The following TDP1 variants were observed in gnomAD, a reference collection of about 807,000 sequenced individuals.
TDP1 encodes the protein tyr-DNA phosphodiesterase 1.
Under a neutral mutation model 81.5 loss-of-function variants are expected in TDP1, and 64 were observed. That is an observed-to-expected ratio of 0.79 (90% CI 0.64 to 0.97). The LOEUF (loss-of-function observed/expected upper bound fraction) is 0.97. TDP1 is among the 50% of genes least tolerant of loss of function. The probability of loss-of-function intolerance (pLI) is 0.00; values close to 1 mark genes in which losing one functional copy is unlikely to be tolerated. For synonymous variants in TDP1, 256 were observed against 264.3 expected, an observed-to-expected ratio of 0.97 and a Z score of 0.30; for missense variants, 723 against 743.8, an observed-to-expected ratio of 0.97 and a Z score of 0.33.
At position 90,043,073 on chromosome 14, in the gene TDP1, G is replaced by A. The variant is rs757367768; in HGVS notation, c.1757G>A (p.Arg586Gln). 1.2e-5 allele frequency: 19 copies of A among 1,613,900 alleles called. No individual in the cohort carries two copies. Among genetic ancestry groups the A allele is most frequent in the African/African-American group, 2.7e-5 (2 of 74,876 alleles). ...LPPELYGSKDRPWIWNIPYVK... is the reference protein window; with the variant it reads ...LPPELYGSKDQPWIWNIPYVK... The stretch of plus-strand genomic sequence containing the variant: ...ACGTAATGTGTTTTTCCCCCAGATC[G>A]GCCATGGATATGGAACATTCCTTAT... The change falls in exon 17 of 17, where the codon CGG (arginine) becomes CAG (glutamine). Residue 586 changes from arginine (R) to glutamine (Q), a missense_variant. By Grantham distance (43) the Arg-to-Gln change is conservative. Transcript: ENST00000335725.
chr14:90,020,691 C>T (rs1353482038), intron 15 of TDP1, among the ~76,000 whole-genome samples: 6 of 135,282 alleles, frequency 4.4e-5, no homozygotes, highest in Non-Finnish European at 7.7e-5. Context: ...GAATTTATGA[C>T]AAACACACAT....
In TDP1 at chr14:89,984,652, G is replaced by C. The variant is rs747853243; in HGVS notation, c.1021G>C (p.Val341Leu). The C allele has an allele frequency of 6.2e-7, 1 of 1,614,070 alleles. No homozygotes were observed. The highest frequency in any genetic ancestry group is 8.5e-7 in the Non-Finnish European group (1 of 1,180,026). The change falls in exon 9 of 17, where the codon GTC becomes CTC. Residue 341 changes from valine (V) to leucine (L), a missense_variant. Coordinates refer to ENST00000335725, the MANE Select transcript of TDP1 (RefSeq NM_018319.4). ...NAPSLKEWID[V>L]IHKHDLSETN... ...CCCTTCTCTCAAGGAGTGGATAGAT[G>C]TCATTCACAAGCACGATCTCTCTGA...
intron 14 of TDP1, among the ~76,000 whole-genome samples, chr14:90,016,046 CT>C (rs1225633650): frequency 1.0e-3 from 141 of 140,718 alleles, no homozygotes; most frequent in Middle Eastern, 3.6e-3. Flanking sequence ...CTTTTTTTTT[CT>C]TTTTTTTTTT....
At chr14:89,999,970 G>A (rs1425438798) in intron 14 of TDP1, among the ~76,000 whole-genome samples, 3 of 152,090 alleles carry the variant, frequency 2.0e-5, no homozygotes, top group Non-Finnish European at 4.4e-5. Flanking sequence ...CAGGAGTCTG[G>A]GCGTGGATTA....
intron 8 of TDP1, 92 bp from the exon 9 acceptor site, chr14:89,984,424 C>G (rs1274474213): frequency 5.0e-6 from 8 of 1,606,066 alleles, no homozygotes; most frequent in Non-Finnish European, 6.8e-6. Context: ...ACCGAGAATT[C>G]ACCTCTTTCT....
chr14:90,034,647 G>A (rs1887643278), intron 16 of TDP1, among the ~76,000 whole-genome samples: 1 of 152,180 alleles, frequency 6.6e-6, no homozygotes, highest in African/African-American at 2.4e-5. Flanking sequence ...ATTTAAAATG[G>A]CAAATTACAT....
At position 89,963,674 on chromosome 14, in the gene TDP1, G is replaced by GT. The variant is rs1273283554; in HGVS notation, c.559+2dup. On this transcript the variant is annotated splice_donor_variant, in intron 3 of 16. Coordinates refer to ENST00000335725, the MANE Select transcript of TDP1 (RefSeq NM_018319.4). LOFTEE classifies it high-confidence loss of function. ...AACTCTGGAGCCCTCCACATCAAGG[G>GT]TAAGAGGATGCTGGGTGTCAAGGAG... 2 of 1,613,934 alleles carry GT rather than the reference G, an allele frequency of 1.2e-6. No homozygotes were observed. Among genetic ancestry groups the GT allele is most frequent in the Admixed American group, 3.3e-5 (2 of 60,006 alleles).
rs777600063 is a variant in TDP1 at position 89,992,009 on chromosome 14, T to TATTG, written c.1433+27_1433+30dup. ...GTAAGTAATTGGTTTAGACTGCTGC[T>TATTG]ATTGCTTCTTTAGGAATTAGAGTGT... On this transcript the variant is annotated intron_variant, in intron 13 of 16. Transcript: ENST00000335725. 17 of 1,595,504 alleles carry TATTG rather than the reference T, an allele frequency of 1.1e-5. No individual in the cohort carries two copies. The African/African-American group carries it at 2.1e-4, about 20-fold the overall frequency.
At position 89,966,187 on chromosome 14, in the gene TDP1, T is replaced by C; in HGVS notation, c.600T>C (p.Ala200=). 1 of 1,599,802 alleles carries C rather than the reference T, an allele frequency of 6.3e-7. No individual in the cohort carries two copies. The change falls in exon 4 of 17, where the codon GCT becomes GCC. Residue 200 remains alanine, a synonymous_variant. Transcript: ENST00000335725. ...TATTTGGGACGCTTGTTTCTTCAGC[T>C]CAGGTGAGTATACCTTTAAGCTGTT... The part of the protein sequence containing the change: ...SPLFGTLVSS[A]QFNYCFDVDW...
intron 14 of TDP1, among the ~76,000 whole-genome samples, chr14:90,014,097 C>T (rs969366272): frequency 6.6e-6 from 1 of 152,126 alleles, no homozygotes; most frequent in Non-Finnish European, 1.5e-5. Context: ...GCCTATTAGA[C>T]TTGTAAAACT....
At chr14:89,984,377 G>C (rs1184784008) in intron 8 of TDP1, 139 bp from the exon 9 acceptor site, 1 of 1,557,906 alleles carries the variant, frequency 6.4e-7, no homozygotes, top group Non-Finnish European at 8.6e-7. Flanking sequence ...TCAGATTTAT[G>C]TTTCATGTTT....
At chr14:90,022,455 G>T (rs1306305218) in intron 15 of TDP1, among the ~76,000 whole-genome samples, 1 of 152,230 alleles carries the variant, frequency 6.6e-6, no homozygotes, top group Non-Finnish European at 1.5e-5. Context: ...GTGCTGGCCA[G>T]TCCGCATCCC....
chr14:90,000,665 A>G (rs1897116066), intron 14 of TDP1, among the ~76,000 whole-genome samples: 2 of 152,294 alleles, frequency 1.3e-5, no homozygotes, highest in African/African-American at 4.8e-5. Flanking sequence ...GATTATAGGC[A>G]TGAACTACTG....
intron 14 of TDP1, among the ~76,000 whole-genome samples, chr14:90,016,063 TG>T (rs1885275942): frequency 6.7e-6 from 1 of 149,962 alleles, no homozygotes; most frequent in Non-Finnish European, 1.5e-5. Context: ...TTTTTTGAGA[TG>T]GAGTTGTTTC....
intron 15 of TDP1, among the ~76,000 whole-genome samples, chr14:90,030,970 A>G (rs1384386113): frequency 6.6e-6 from 1 of 151,428 alleles, no homozygotes; most frequent in Non-Finnish European, 1.5e-5. Context: ...ATGTGGTTTC[A>G]CCATGTTGTC....
chr14:90,033,552 A>G (rs1388307023), intron 16 of TDP1: 4 of 338,030 alleles, frequency 1.2e-5, no homozygotes, highest in Middle Eastern at 1.0e-3. Flanking sequence ...TACCCTAAAC[A>G]TGATCAGACC....
chr14:90,022,772 CA>C, intron 15 of TDP1: 1 of 985,318 alleles, frequency 1.0e-6, no homozygotes, highest in Non-Finnish European at 1.2e-6. Context: ...TTGGCCTTCA[CA>C]AAATTAACAT....
intron 15 of TDP1, 60 bp from the exon 16 acceptor site, chr14:90,033,045 GT>G (rs36121087): frequency 0.026 from 24,473 of 933,392 alleles, 3 homozygotes; most frequent in Non-Finnish European, 0.028. Flanking sequence ...AGGCCTTCTG[GT>G]TTTTTTTTTT....
chr14:90,011,548 A>C (rs114010399), intron 14 of TDP1, among the ~76,000 whole-genome samples: 5,884 of 152,260 alleles, frequency 0.039, 358 homozygotes, highest in African/African-American at 0.13. Flanking sequence ...CTAGGCTAAC[A>C]TGTTCCCAGA....
Sources: allele counts gnomAD v4.1 joint callset (sites outside exome capture counted in the v4.1 genomes callset), GRCh38; gene constraint gnomAD v4.1.1; transcripts MANE v1.5; gene names NCBI Gene and HGNC (gene_info 2026-07-23, HGNC 2026-07-21).